The following POC5 variants were observed in gnomAD, a reference collection of about 807,000 sequenced individuals.
The protein encoded by POC5 is POC5 centriolar protein.
Under a neutral mutation model 62.9 loss-of-function variants are expected in POC5, and 48 were observed. That is an observed-to-expected ratio of 0.76 (90% CI 0.61 to 0.97). The LOEUF is 0.97. Among genes scored for constraint, POC5 ranks in the 50% least tolerant of loss-of-function variants. The probability of loss-of-function intolerance (pLI) is 0.00; values close to 1 mark genes in which losing one functional copy is unlikely to be tolerated. For synonymous variants in POC5, 236 were observed against 228.2 expected (o/e 1.03, Z -0.31); for missense variants, 696 against 679.5 (o/e 1.02, Z -0.27).
chr5:75,697,217 T>C (rs967982537), intron 5 of POC5, among the ~76,000 whole-genome samples: 1 of 152,000 alleles, frequency 6.6e-6, no homozygotes, highest in African/African-American at 2.4e-5. Flanking sequence ...GCCACAAAGA[T>C]ACTCCTCGAG....
intron 6 of POC5, 60 bp from the exon 7 acceptor site, chr5:75,692,560 A>G: frequency 8.4e-7 from 1 of 1,187,004 alleles, no homozygotes; most frequent in Middle Eastern, 2.0e-4. Flanking sequence ...TGGTAAAGTG[A>G]TTTTCTCATA....
At chr5:75,713,149 T>C (rs2112218779) in intron 1 of POC5, among the ~76,000 whole-genome samples, 198 bp from the exon 2 acceptor site, 1 of 152,314 alleles carries the variant, frequency 6.6e-6, no homozygotes, top group Middle Eastern at 3.4e-3. Flanking sequence ...CCAATATTAG[T>C]GAGTTTATAA....
intron 5 of POC5, among the ~76,000 whole-genome samples, chr5:75,702,242 A>C (rs563143855): frequency 6.6e-6 from 1 of 152,212 alleles, no homozygotes; most frequent in Admixed American, 6.5e-5. Context: ...TGACAGGTTG[A>C]TAGGTGCAGC....
intron 11 of POC5, among the ~76,000 whole-genome samples, chr5:75,676,321 A>T (rs1250162554): frequency 6.6e-6 from 1 of 152,228 alleles, no homozygotes; most frequent in African/African-American, 2.4e-5. Flanking sequence ...TCCATATTCA[A>T]AAATATATAG....
Position 75,702,613 on chromosome 5 carries a change from C to T in POC5, c.505G>A (p.Gly169Ser), listed in dbSNP as rs369303693. 2 of 1,612,806 alleles carry T rather than the reference C, an allele frequency of 1.2e-6. No homozygotes were observed. The highest frequency in any genetic ancestry group is 1.7e-6 in the Non-Finnish European group (2 of 1,179,336). ...MENVLDLWSSGLKTNIISELS... is the reference protein window; with the variant it reads ...MENVLDLWSSSLKTNIISELS... ...GAACTGCTGTACCGTACCTTAAGAC[C>T]TGAACTCCAAAGATCAAGCACATTT... The change falls in exon 5 of 12, where the codon GGT (glycine) becomes AGT (serine). Residue 169 changes from glycine to serine, a missense_variant. Gly to Ser is a moderately conservative substitution (Grantham distance 56). Transcript: ENST00000428202.
intron 11 of POC5, 79 bp from the exon 12 acceptor site, chr5:75,674,657 A>G: frequency 6.7e-7 from 1 of 1,484,180 alleles, no homozygotes; most frequent in Admixed American, 1.9e-5. Context: ...ATCATCTATA[A>G]TTTAACCCAA....
chr5:75,685,634 G>T (rs1776072912), intron 9 of POC5, 150 bp from the exon 10 acceptor site: 3 of 793,396 alleles, frequency 3.8e-6, no homozygotes, highest in South Asian at 3.7e-5. Flanking sequence ...AGTTAATACA[G>T]TTTGTCAGTA....
At chr5:75,687,971 A>G (rs1746540261) in intron 9 of POC5, among the ~76,000 whole-genome samples, 1 of 152,208 alleles carries the variant, frequency 6.6e-6, no homozygotes, top group South Asian at 2.1e-4. Flanking sequence ...GGTATTACCA[A>G]AATAAACTAT....
At chr5:75,696,468 C>G (rs145890744) in intron 5 of POC5, among the ~76,000 whole-genome samples, 1 of 151,566 alleles carries the variant, frequency 6.6e-6, no homozygotes, top group South Asian at 2.1e-4. Context: ...CTCACACGGC[C>G]GGGTACTCCA....
At chr5:75,680,490 G>A (rs1045655936) in intron 10 of POC5, among the ~76,000 whole-genome samples, 14 of 151,948 alleles carry the variant, frequency 9.2e-5, no homozygotes, top group Admixed American at 5.9e-4. Flanking sequence ...ATCTCTATAC[G>A]CTCATTGAAT....
intron 5 of POC5, among the ~76,000 whole-genome samples, chr5:75,697,067 A>C (rs1178136221): frequency 6.6e-6 from 1 of 152,242 alleles, no homozygotes; most frequent in African/African-American, 2.4e-5. Flanking sequence ...AAAAGACCAA[A>C]TCTACGTCTC....
Position 75,685,455 on chromosome 5 carries a change from C to A in POC5, c.1159G>T (p.Glu387Ter), listed in dbSNP as rs1776064737. The A allele has an allele frequency of 1.2e-6, 2 of 1,611,818 alleles. No homozygotes were observed. Among genetic ancestry groups the A allele is most frequent in the Non-Finnish European group, 1.7e-6 (2 of 1,178,084 alleles). The change falls in exon 10 of 12, where the codon GAG becomes TAG. Residue 387 changes from glutamate to a stop codon, truncating the protein, a stop_gained. Transcript: ENST00000428202. LOFTEE classifies it high-confidence loss of function. Reference protein sequence around the residue: ...GIDSTNNKKEEYGPGVQGKEH... With the variant: ...GIDSTNNKKE The stretch of plus-strand genomic sequence containing the variant: ...TTTCCTTGAACACCAGGACCATACT[C>A]TTCCTTTTTATTATTTGTGGAGTCT...
chr5:75,704,803 A>G (rs1416222881), intron 4 of POC5, among the ~76,000 whole-genome samples: 3 of 152,266 alleles, frequency 2.0e-5, no homozygotes, highest in Non-Finnish European at 2.9e-5. Context: ...TGGTTACCAC[A>G]TTAAATAACA....
chr5:75,689,612 C>T, intron 8 of POC5: 1 of 985,048 alleles, frequency 1.0e-6, no homozygotes, highest in South Asian at 4.7e-5. Flanking sequence ...GCAGAGTGAC[C>T]CTAGGTACAA....
Position 75,677,797 on chromosome 5 carries a change from C to T in POC5, c.1561G>A (p.Glu521Lys), listed in dbSNP as rs1361469853. The change falls in exon 11 of 12, where the codon GAA (glutamate) becomes AAA (lysine). Residue 521 changes from glutamate to lysine, a missense_variant. Transcript: ENST00000428202. The stretch of plus-strand genomic sequence containing the variant: ...ACCACTGTGACTGGATGATGTTTTT[C>T]CACAACAACTGAGCTCATGGGAGGA... ...VSPPMSSVVV[E>K]KHHPVTVQTI... The T allele has an allele frequency of 6.2e-7, 1 of 1,608,606 alleles. No homozygotes were observed. Among genetic ancestry groups the T allele is most frequent in the South Asian group, 1.1e-5 (1 of 90,100 alleles).
intron 5 of POC5, among the ~76,000 whole-genome samples, chr5:75,700,123 C>T (rs1326813540): frequency 1.3e-5 from 2 of 152,018 alleles, no homozygotes; most frequent in African/African-American, 2.4e-5. Context: ...GAGTCAGTAT[C>T]GTGAAAATGG....
intron 2 of POC5, among the ~76,000 whole-genome samples, chr5:75,711,630 C>A (rs1161069499): frequency 1.3e-5 from 2 of 151,666 alleles, no homozygotes; most frequent in Non-Finnish European, 2.9e-5. Context: ...GTAGTGAAAC[C>A]CAAAGTAATA....
At chr5:75,695,770 C>T (rs113049339) in intron 5 of POC5, among the ~76,000 whole-genome samples, 7,529 of 152,102 alleles carry the variant, frequency 0.049, 642 homozygotes, top group African/African-American at 0.17. Flanking sequence ...ATGCAGAAGA[C>T]GGGTGATTTC....
At position 75,692,476 on chromosome 5, in the gene POC5, T is replaced by C; in HGVS notation, c.715A>G (p.Ile239Val). Reference sequence around the variant, plus strand: ...TCTATCTTTTCCTTTTGCTTGCCTATGGCATGAGACAAGCTAGAAATCACC... The same window carrying C: ...TCTATCTTTTCCTTTTGCTTGCCTACGGCATGAGACAAGCTAGAAATCACC... Reference protein sequence around the residue: ...DEVISSLSHAIGKQKEKIELM... With the variant: ...DEVISSLSHAVGKQKEKIELM... Residue 239 changes from isoleucine (I) to valine (V), a missense_variant, in exon 7 of 12, where the codon ATA becomes GTA. Ile to Val is a conservative substitution (Grantham distance 29). Transcript: ENST00000428202. 1.2e-6 allele frequency: 2 copies of C among 1,603,556 alleles called. No individual in the cohort carries two copies. The highest frequency in any genetic ancestry group is 1.7e-6 in the Non-Finnish European group (2 of 1,174,822).
Sources: gnomAD v4.1 joint callset for allele counts (sites outside exome capture counted in the v4.1 genomes callset) on GRCh38, gnomAD v4.1.1 for gene constraint, MANE v1.5 for transcripts, NCBI Gene and HGNC (gene_info 2026-07-23, HGNC 2026-07-21) for gene names.